Variants in SERINC5 observed in about 807,000 individuals in gnomAD.
SERINC5 encodes the protein chromosome 5 open reading frame 12.
SERINC5 carries 41 observed loss-of-function variants against 63.1 expected under a neutral mutation model. The observed-to-expected ratio is 0.65, with a 90% confidence interval of 0.51 to 0.84. SERINC5 has a LOEUF of 0.84. Among genes scored for constraint, SERINC5 ranks in the 40% least tolerant of loss-of-function variants. The pLI is 0.00. For missense variants in SERINC5, 523 were observed against 573.0 expected (o/e 0.91, Z 0.89); for synonymous variants, 222 against 215.2 (o/e 1.03, Z -0.28).
intron 11 of SERINC5, among the ~76,000 whole-genome samples, chr5:80,145,561 A>T (rs191959890): frequency 1.0e-3 from 157 of 152,222 alleles, no homozygotes; most frequent in Non-Finnish European, 2.0e-3. Flanking sequence ...AATTTGAAGT[A>T]GAAAAAAAAG....
At chr5:80,159,424 C>T (rs1049894729) in intron 7 of SERINC5, among the ~76,000 whole-genome samples, 1 of 151,922 alleles carries the variant, frequency 6.6e-6, no homozygotes, top group African/African-American at 2.4e-5. Context: ...AACTTGGAAA[C>T]TCCTGAGGTG....
At chr5:80,182,553 C>CT (rs1330987143) in intron 2 of SERINC5, among the ~76,000 whole-genome samples, 3 of 128,140 alleles carry the variant, frequency 2.3e-5, no homozygotes, top group Non-Finnish European at 4.7e-5. Flanking sequence ...CGCCCCCCCC[C>CT]CCTCCGCTTT....
At chr5:80,169,292 T>C (rs758365063) in intron 6 of SERINC5, 43 bp downstream of exon 6, 1 of 1,544,168 alleles carries the variant, frequency 6.5e-7, no homozygotes, top group Non-Finnish European at 8.9e-7. Flanking sequence ...CAAAGACACT[T>C]AGGAAAATAT....
chr5:80,211,614 G>C (rs1045305393), intron 1 of SERINC5, among the ~76,000 whole-genome samples: 1 of 152,228 alleles, frequency 6.6e-6, no homozygotes, highest in African/African-American at 2.4e-5. Context: ...CCTTGGAGCA[G>C]TCTAACAGAA....
chr5:80,235,449 A>G (rs1198801625), intron 1 of SERINC5, among the ~76,000 whole-genome samples: 2 of 152,264 alleles, frequency 1.3e-5, no homozygotes, highest in Admixed American at 6.5e-5. Context: ...ACCCAAGAAC[A>G]TATTTAATTA....
At chr5:80,156,098 C>A (rs1270584909) in intron 8 of SERINC5, among the ~76,000 whole-genome samples, 1 of 152,168 alleles carries the variant, frequency 6.6e-6, no homozygotes, top group Non-Finnish European at 1.5e-5. Context: ...TCTTCTACAA[C>A]TTTACAAGAG....
chr5:80,213,202 C>T lies in SERINC5; in HGVS notation c.28-10149G>A, dbSNP rs1046262440. On this transcript the variant is annotated intron_variant, in intron 1 of 11. Coordinates refer to ENST00000507668, the MANE Select transcript of SERINC5 (RefSeq NM_001174072.3). ...CGGAGGTTGCAGTGAGCAGAGATCG[C>T]GCCACTGTACTCCAGCCTGGGCAAC... Among the ~76,000 whole-genome samples, 104 of 148,066 alleles carry T rather than the reference C, an allele frequency of 7.0e-4. 1 individual carries two copies. Among genetic ancestry groups the T allele is most frequent in the African/African-American group, 2.5e-3 (99 of 40,066 alleles).
At position 80,178,009 on chromosome 5, in the gene SERINC5, T is replaced by C. The variant is rs768391562; in HGVS notation, c.251A>G (p.Lys84Arg). 4.2e-5 allele frequency: 68 copies of C among 1,612,640 alleles called. No individual in the cohort carries two copies. Among genetic ancestry groups the C allele is most frequent in the Non-Finnish European group, 5.7e-5 (67 of 1,179,264 alleles). Reference protein sequence around the residue: ...KGIKAGDTCEKLVGYSAVYRV... With the variant: ...KGIKAGDTCERLVGYSAVYRV... ...ATACACGGCAGAATATCCCACCAGC[T>C]TCTCACAGGTGTCACCAGCTTTAAT... Residue 84 changes from lysine (K) to arginine (R), a missense_variant, in exon 3 of 12, where the codon AAG (lysine) becomes AGG (arginine). Lys to Arg is a conservative substitution (Grantham distance 26, BLOSUM62 2). Transcript: ENST00000507668.
At chr5:80,161,058 G>GTA (rs1362325025) in intron 7 of SERINC5, among the ~76,000 whole-genome samples, 2 of 139,072 alleles carry the variant, frequency 1.4e-5, no homozygotes, top group African/African-American at 5.3e-5. Flanking sequence ...ATGTATGTAT[G>GTA]TATATATATA....
intron 10 of SERINC5, among the ~76,000 whole-genome samples, chr5:80,146,739 A>C (rs1745850497): frequency 6.6e-6 from 1 of 152,168 alleles, no homozygotes; most frequent in Non-Finnish European, 1.5e-5. Flanking sequence ...TACAGGCATA[A>C]GCCACCGTGC....
intron 1 of SERINC5, among the ~76,000 whole-genome samples, chr5:80,254,514 G>A (rs1357952811): frequency 2.6e-5 from 4 of 152,226 alleles, no homozygotes; most frequent in Non-Finnish European, 2.9e-5. Context: ...GACTTCAAGG[G>A]ACCAGGACAG....
In SERINC5 at chr5:80,122,197, G is replaced by GTATA. The variant is rs10700420; in HGVS notation, c.1239-8576_1239-8573dup. ...CTTCTCTAGAGGGACAGAACTAATA[G>GTATA]TATATATATATATATAATATGAGTT... On this transcript the variant is annotated intron_variant, in intron 11 of 12. Transcript: ENST00000509193. Among the ~76,000 whole-genome samples the GTATA allele has an allele frequency of 4.5e-4, 53 of 116,746 alleles. 4 individuals are homozygous for GTATA. The highest frequency in any genetic ancestry group is 2.0e-3 in the African/African-American group (50 of 25,292). 76.6% of individuals were successfully genotyped at this position (116,746 alleles called of 152,430 possible).
chr5:80,176,753 C>T (rs1748057962), intron 4 of SERINC5, among the ~76,000 whole-genome samples: 1 of 152,046 alleles, frequency 6.6e-6, no homozygotes, highest in African/African-American at 2.4e-5. Flanking sequence ...TTTTTAATAC[C>T]TTACTTAGGA....
intron 1 of SERINC5, among the ~76,000 whole-genome samples, chr5:80,255,536 G>A (rs1752622176): frequency 6.6e-6 from 1 of 152,192 alleles, no homozygotes; most frequent in Non-Finnish European, 1.5e-5. Flanking sequence ...CCGACAAGCA[G>A]AGTGGAGAGG....
intron 8 of SERINC5, among the ~76,000 whole-genome samples, chr5:80,156,131 T>G (rs79680585): frequency 0.076 from 11,567 of 152,166 alleles, 487 homozygotes; most frequent in East Asian, 0.13. Context: ...AATCTTGGCC[T>G]TCTTCTCCTT....
chr5:80,118,714 ATTTTTTTT>A (rs34814066), intron 11 of SERINC5, among the ~76,000 whole-genome samples: 1 of 108,254 alleles, frequency 9.2e-6, no homozygotes, highest in African/African-American at 3.8e-5. Context: ...TGTCCAGCTA[ATTTTTTTT>A]TTTTTTTTTT....
chr5:80,240,752 C>T (rs1439625328), intron 1 of SERINC5, among the ~76,000 whole-genome samples: 1 of 152,192 alleles, frequency 6.6e-6, no homozygotes, highest in Non-Finnish European at 1.5e-5. Context: ...GCAGTCTCGA[C>T]CTCCTCAGCC....
chr5:80,139,015 A>G lies in SERINC5; in HGVS notation c.*4648T>C, dbSNP rs1336652010. 7.1e-6 allele frequency: 7 copies of G among 982,340 alleles called. No homozygotes were observed. Among genetic ancestry groups the G allele is most frequent in the African/African-American group, 5.2e-5 (3 of 57,306 alleles). The allele number at this position is 982,340 out of a possible 1,614,324, so 60.9% of individuals were successfully genotyped here. Reference sequence around the variant, plus strand: ...AACATTAAAAAACAAATAGAAATCCATGACTAAAGGGGGAAAATAACTTTC... The same window carrying G: ...AACATTAAAAAACAAATAGAAATCCGTGACTAAAGGGGGAAAATAACTTTC... On this transcript the variant is annotated 3_prime_UTR_variant, in exon 12 of 12. Coordinates refer to ENST00000507668, the MANE Select transcript of SERINC5 (RefSeq NM_001174072.3).
chr5:80,207,341 C>T (rs142416662), intron 1 of SERINC5, among the ~76,000 whole-genome samples: 1 of 152,304 alleles, frequency 6.6e-6, no homozygotes, highest in African/African-American at 2.4e-5. Context: ...CAACAAAATA[C>T]TTATTCTATT....
Sources: allele counts gnomAD v4.1 joint callset (sites outside exome capture counted in the v4.1 genomes callset), GRCh38; gene constraint gnomAD v4.1.1; transcripts MANE v1.5; gene names NCBI Gene and HGNC (gene_info 2026-07-23, HGNC 2026-07-21).